Variants in POU2F1 observed in about 807,000 individuals in gnomAD.
POU2F1 encodes POU domain, class 2, transcription factor 1.
A neutral mutation model predicts 84.9 loss-of-function variants in POU2F1; 16 were observed. The observed-to-expected ratio is 0.19, with a 90% CI of 0.13 to 0.29. The LOEUF (loss-of-function observed/expected upper bound fraction) is 0.29. POU2F1 is among the 10% of genes least tolerant of loss of function. POU2F1 has a pLI of 1.00. For missense variants in POU2F1, 738 were observed against 942.6 expected (o/e 0.78, Z 2.84); for synonymous variants, 368 against 368.3 (o/e 1.00, Z 0.01).
At chr1:167,372,250 T>TTG (rs1660059011) in intron 5 of POU2F1, among the ~76,000 whole-genome samples, 1 of 152,130 alleles carries the variant, frequency 6.6e-6, no homozygotes, top group Non-Finnish European at 1.5e-5. Flanking sequence ...TTTATTAGAA[T>TTG]TGTGGATGCT....
intron 1 of POU2F1, among the ~76,000 whole-genome samples, chr1:167,287,464 C>T (rs1653614309): frequency 6.6e-6 from 1 of 151,990 alleles, no homozygotes; most frequent in Non-Finnish European, 1.5e-5. Context: ...AAAAAGACAA[C>T]ATCAGAAAGT....
intron 13 of POU2F1, among the ~76,000 whole-genome samples, chr1:167,404,372 C>G (rs984801404): frequency 6.6e-6 from 1 of 152,054 alleles, no homozygotes; most frequent in Admixed American, 6.5e-5. Flanking sequence ...TCAAGAGTCC[C>G]CTCCCCTGAA....
intron 11 of POU2F1, 114 bp from the exon 12 acceptor site, chr1:167,399,072 T>A: frequency 1.0e-6 from 1 of 969,596 alleles, no homozygotes. Flanking sequence ...AGTGGCCTAA[T>A]GTGGATGGTC....
At chr1:167,329,258 C>T in intron 1 of POU2F1, 1 of 1,547,722 alleles carries the variant, frequency 6.5e-7, no homozygotes, top group Non-Finnish European at 8.7e-7. Context: ...ACTCTCTGCT[C>T]CTCTAGAAGA....
chr1:167,272,791 G>T (rs547255504), intron 1 of POU2F1, among the ~76,000 whole-genome samples: 1 of 151,986 alleles, frequency 6.6e-6, no homozygotes, highest in African/African-American at 2.4e-5. Context: ...AATCCAAACC[G>T]TATCATTCTG....
intron 3 of POU2F1, among the ~76,000 whole-genome samples, chr1:167,368,509 C>T (rs1659825034): frequency 6.6e-6 from 1 of 151,848 alleles, no homozygotes; most frequent in Non-Finnish European, 1.5e-5. Flanking sequence ...TGTAAATATC[C>T]CATTCCTCAA....
chr1:167,308,159 C>T (rs1014843254), intron 1 of POU2F1, among the ~76,000 whole-genome samples: 4 of 151,818 alleles, frequency 2.6e-5, no homozygotes, highest in Non-Finnish European at 4.4e-5. Flanking sequence ...CTCTGCCGCC[C>T]GGGTTCAAGC....
chr1:167,323,255 G>C (rs1034743241), intron 1 of POU2F1, among the ~76,000 whole-genome samples: 1 of 152,198 alleles, frequency 6.6e-6, no homozygotes, highest in Non-Finnish European at 1.5e-5. Context: ...GGATAGGCTA[G>C]ACAGATAAGT....
At chr1:167,350,240 G>C (rs1245879744) in intron 2 of POU2F1, among the ~76,000 whole-genome samples, 1 of 152,138 alleles carries the variant, frequency 6.6e-6, no homozygotes, top group Non-Finnish European at 1.5e-5. Context: ...CATATCAGAT[G>C]AGAGAATAAA....
intron 1 of POU2F1, among the ~76,000 whole-genome samples, chr1:167,325,725 C>T (rs1451924404): frequency 6.6e-6 from 1 of 152,016 alleles, no homozygotes; most frequent in Non-Finnish European, 1.5e-5. Flanking sequence ...CCCGTCTCTA[C>T]TAAAAATACA....
chr1:167,248,958 G>C (rs949858611), intron 1 of POU2F1, among the ~76,000 whole-genome samples: 3 of 152,178 alleles, frequency 2.0e-5, no homozygotes, highest in Non-Finnish European at 4.4e-5. Flanking sequence ...GAAAGTAGAA[G>C]AACTAGGATT....
intron 1 of POU2F1, among the ~76,000 whole-genome samples, chr1:167,253,165 A>C (rs926168080): frequency 2.2e-4 from 33 of 152,216 alleles, no homozygotes; most frequent in Non-Finnish European, 4.3e-4. Context: ...GTTTCACTTA[A>C]GAGGGCAAAA....
At chr1:167,364,846 G>A (rs1029621285) in intron 2 of POU2F1, among the ~76,000 whole-genome samples, 1 of 151,978 alleles carries the variant, frequency 6.6e-6, no homozygotes, top group Non-Finnish European at 1.5e-5. Flanking sequence ...TGGGTTTACA[G>A]GCATAAGCCA....
chr1:167,342,084 T>C (rs1047052020), intron 2 of POU2F1, among the ~76,000 whole-genome samples: 3 of 152,112 alleles, frequency 2.0e-5, no homozygotes, highest in Non-Finnish European at 4.4e-5. Context: ...GGAGCCACGA[T>C]AGTGGGGTAT....
intron 1 of POU2F1, among the ~76,000 whole-genome samples, chr1:167,260,004 G>A (rs570038593): frequency 6.6e-6 from 1 of 151,622 alleles, no homozygotes; most frequent in Non-Finnish European, 1.5e-5. Context: ...TCAGCCTCCC[G>A]AGTAGCTGGG....
At chr1:167,266,742 G>A (rs927515873) in intron 1 of POU2F1, among the ~76,000 whole-genome samples, 2 of 150,940 alleles carry the variant, frequency 1.3e-5, no homozygotes, top group Non-Finnish European at 2.9e-5. Flanking sequence ...TTCTGCCTCA[G>A]CCTCCCAAGT....
At chr1:167,404,813 T>A (rs559542068) in intron 13 of POU2F1, among the ~76,000 whole-genome samples, 7 of 152,236 alleles carry the variant, frequency 4.6e-5, no homozygotes, top group Non-Finnish European at 7.3e-5. Flanking sequence ...TATGGTTGAT[T>A]TCTCCACCAT....
At chr1:167,372,070 T>A in intron 5 of POU2F1, 34 bp downstream of exon 5, 2 of 1,594,732 alleles carry the variant, frequency 1.3e-6, no homozygotes, top group Non-Finnish European at 1.7e-6. Context: ...TAACAAACTT[T>A]TTCTGTGTCA....
chr1:167,275,030 G>GTT lies in POU2F1; in HGVS notation c.61+54073_61+54074insTT, dbSNP rs1202443333. Among the ~76,000 whole-genome samples, 94 of 120,774 alleles carry GTT rather than the reference G, an allele frequency of 7.8e-4. 2 individuals are homozygous for GTT. The highest frequency in any genetic ancestry group is 2.9e-3 in the African/African-American group (93 of 32,336). 79.2% of individuals were successfully genotyped at this position (120,774 alleles called of 152,430 possible). On this transcript the variant is annotated intron_variant, in intron 1 of 15. Transcript: ENST00000367866. ...GCTAATCTTACTTAGTCAAATAAAT[G>GTT]TATTTTTTTTTTTTTTTTTTTTTGA...
Sources: allele counts gnomAD v4.1 joint callset (sites outside exome capture counted in the v4.1 genomes callset), GRCh38; gene constraint gnomAD v4.1.1; transcripts MANE v1.5; gene names NCBI Gene and HGNC (gene_info 2026-07-23, HGNC 2026-07-21).